The following SLC4A4 variants were observed in gnomAD, a reference collection of about 807,000 sequenced individuals.
The protein encoded by SLC4A4 is solute carrier family 4 member 4, also known as electrogenic sodium bicarbonate cotransporter 1.
SLC4A4 carries 27 observed loss-of-function variants against 111.5 expected under a neutral mutation model. The observed-to-expected ratio is 0.24, with a 90% CI of 0.18 to 0.33. The LOEUF (loss-of-function observed/expected upper bound fraction) is 0.33, where lower values mean the gene tolerates loss of function less well. Ranked by LOEUF, SLC4A4 falls within the 10% of genes least tolerant of loss-of-function variation. SLC4A4 has a pLI of 1.00. For synonymous variants in SLC4A4, 443 were observed against 463.4 expected, an observed-to-expected ratio of 0.96 and a Z score of 0.57; for missense variants, 909 against 1,315.5, an observed-to-expected ratio of 0.69 and a Z score of 4.78.
intron 12 of SLC4A4, among the ~76,000 whole-genome samples, chr4:71,457,355 A>G (rs1004213061): frequency 6.6e-6 from 1 of 152,096 alleles, no homozygotes; most frequent in African/African-American, 2.4e-5. Flanking sequence ...TGGCGTACAC[A>G]TTTTGCCCAT....
At chr4:71,369,640 A>G (rs1578938693) in intron 6 of SLC4A4, among the ~76,000 whole-genome samples, 2 of 152,332 alleles carry the variant, frequency 1.3e-5, no homozygotes, top group East Asian at 3.9e-4. Flanking sequence ...TGGGCTATGG[A>G]CAACAAAAAA....
At chr4:71,445,032 A>G (rs77722202) in intron 8 of SLC4A4, among the ~76,000 whole-genome samples, 2 of 152,324 alleles carry the variant, frequency 1.3e-5, no homozygotes, top group East Asian at 3.9e-4. Context: ...AAAAAATAAA[A>G]ATTGCATTAC....
chr4:71,255,448 C>T (rs1466917521), intron 3 of SLC4A4, 49 bp downstream of exon 3: 2 of 1,576,848 alleles, frequency 1.3e-6, no homozygotes, highest in Admixed American at 3.3e-5. Context: ...ACTCCCACAT[C>T]TTTGAGAAGG....
intron 17 of SLC4A4, among the ~76,000 whole-genome samples, chr4:71,532,700 C>A (rs1467123889): frequency 2.0e-5 from 3 of 151,988 alleles, no homozygotes; most frequent in Admixed American, 1.3e-4. Flanking sequence ...GAGACAAGGT[C>A]TCACTATATT....
chr4:71,190,693 AAATT>A (rs1745693060), intron 1 of SLC4A4, among the ~76,000 whole-genome samples: 1 of 152,170 alleles, frequency 6.6e-6, no homozygotes, highest in South Asian at 2.1e-4. Context: ...AATTGCTATT[AAATT>A]GTGCCTGTGA....
chr4:71,431,375 G>A (rs1723633386), intron 7 of SLC4A4, among the ~76,000 whole-genome samples: 1 of 151,962 alleles, frequency 6.6e-6, no homozygotes, highest in African/African-American at 2.4e-5. Context: ...GTGAAGGAGG[G>A]AGCCCTGCAT....
chr4:71,177,968 T>C (rs1437083885), intron 2 of SLC4A4, among the ~76,000 whole-genome samples: 1 of 152,156 alleles, frequency 6.6e-6, no homozygotes, highest in South Asian at 2.1e-4. Context: ...ACAGAAATTA[T>C]AACAAACTGT....
At chr4:71,068,466 G>GCT (rs1741586890) in intron 1 of SLC4A4, among the ~76,000 whole-genome samples, 1 of 151,830 alleles carries the variant, frequency 6.6e-6, no homozygotes, top group South Asian at 2.1e-4. Context: ...TCTCAGGTGT[G>GCT]CTCTCTCTCT....
chr4:71,317,050 G>A (rs1339525016), intron 3 of SLC4A4, among the ~76,000 whole-genome samples: 1 of 145,654 alleles, frequency 6.9e-6, no homozygotes, highest in East Asian at 2.0e-4. Context: ...TCTAGACAGG[G>A]CTGTAACAGG....
intron 3 of SLC4A4, among the ~76,000 whole-genome samples, chr4:71,324,100 G>A (rs1033924255): frequency 3.3e-5 from 5 of 151,930 alleles, no homozygotes; most frequent in Non-Finnish European, 5.9e-5. Flanking sequence ...TAATTTATTA[G>A]GGGGAATGCA....
intron 3 of SLC4A4, among the ~76,000 whole-genome samples, chr4:71,293,674 G>A (rs1292035145): frequency 2.6e-5 from 4 of 152,296 alleles, no homozygotes; most frequent in Non-Finnish European, 4.4e-5. Flanking sequence ...CTGGTTTCAT[G>A]AGTTGGTAGA....
chr4:71,447,540 C>T, intron 8 of SLC4A4, 106 bp from the exon 9 acceptor site: 1 of 757,276 alleles, frequency 1.3e-6, no homozygotes, highest in Admixed American at 2.0e-5. Context: ...AAGGTGAATT[C>T]TAGACCTAAC....
intron 19 of SLC4A4, among the ~76,000 whole-genome samples, chr4:71,546,776 A>T (rs1735568055): frequency 6.6e-6 from 1 of 152,016 alleles, no homozygotes; most frequent in South Asian, 2.1e-4. Flanking sequence ...AACTACAACC[A>T]GATTACTTTT....
chr4:71,291,559 C>T (rs1203895311), intron 3 of SLC4A4, among the ~76,000 whole-genome samples: 3 of 151,986 alleles, frequency 2.0e-5, no homozygotes, highest in Non-Finnish European at 2.9e-5. Flanking sequence ...CTCGTCTCAG[C>T]CTCCCGATTA....
rs148320899 is a variant in SLC4A4 at position 71,371,171 on chromosome 4, T to C, written c.730+13984T>C. On this transcript the variant is annotated intron_variant, in intron 6 of 25. Coordinates refer to ENST00000264485, the MANE Select transcript of SLC4A4 (RefSeq NM_001098484.3). ...ATATAAACTCTAATCAGCTTGTCTC[T>C]TTTCTTTTGTCCTATATCATGGAAA... is the stretch of plus-strand genomic sequence containing the variant. 3.9e-3 allele frequency among the ~76,000 whole-genome samples: 589 copies of C among 152,214 alleles called. 6 individuals are homozygous for C. The highest frequency in any genetic ancestry group is 0.014 in the African/African-American group (567 of 41,516).
intron 2 of SLC4A4, among the ~76,000 whole-genome samples, chr4:71,126,314 C>T (rs923889823): frequency 6.6e-6 from 1 of 152,034 alleles, no homozygotes; most frequent in African/African-American, 2.4e-5. Flanking sequence ...TGTAGTGAGC[C>T]ACATAATTAT....
At position 71,472,811 on chromosome 4, in the gene SLC4A4, C is replaced by T; in HGVS notation, c.1744C>T (p.Arg582Cys). ...DASFLVQYFT[R>C]FTEEGFSSLI... ...CAGCTTCTTGGTTCAATACTTCACACGTTTCACGGAGGAGGGCTTTTCCTC... is the reference window on the plus strand; with the variant it reads ...CAGCTTCTTGGTTCAATACTTCACATGTTTCACGGAGGAGGGCTTTTCCTC... The change falls in exon 14 of 26, where the codon CGT becomes TGT. Residue 582 changes from arginine (R) to cysteine (C), a missense_variant. Physicochemically the swap from Arg to Cys is radical, Grantham distance 180. Coordinates refer to ENST00000264485, the MANE Select transcript of SLC4A4 (RefSeq NM_001098484.3). The T allele has an allele frequency of 1.9e-6, 3 of 1,612,848 alleles. No homozygotes were observed. The highest frequency in any genetic ancestry group is 2.5e-6 in the Non-Finnish European group (3 of 1,179,336).
intron 3 of SLC4A4, among the ~76,000 whole-genome samples, chr4:71,261,586 T>C (rs1362844717): frequency 6.6e-6 from 1 of 152,216 alleles, no homozygotes; most frequent in African/African-American, 2.4e-5. Flanking sequence ...GTGATGCTGA[T>C]GAATACAAGA....
chr4:71,116,508 A>G (rs555588784), intron 2 of SLC4A4, among the ~76,000 whole-genome samples: 9 of 152,348 alleles, frequency 5.9e-5, no homozygotes, highest in African/African-American at 2.2e-4. Flanking sequence ...TCTTCTTTCT[A>G]AGCCACACTA....
Sources: gnomAD v4.1 joint callset for allele counts (sites outside exome capture counted in the v4.1 genomes callset) on GRCh38, gnomAD v4.1.1 for gene constraint, MANE v1.5 for transcripts, NCBI Gene and HGNC (gene_info 2026-07-23, HGNC 2026-07-21) for gene names.